Variants in GGA2 observed in about 807,000 individuals in gnomAD.
GGA2 encodes the protein golgi associated, gamma adaptin ear containing, ARF binding protein 2.
A neutral mutation model predicts 79.5 loss-of-function variants in GGA2; 48 were observed. The ratio of observed to expected loss-of-function variants is 0.60; its 90% CI spans 0.48 to 0.77. The LOEUF (loss-of-function observed/expected upper bound fraction) is 0.77, where lower values mean the gene tolerates loss of function less well. Among genes scored for constraint, GGA2 ranks in the 30% least tolerant of loss-of-function variants. The pLI is 0.00. For missense variants in GGA2, 770 were observed against 774.0 expected (o/e 0.99, Z 0.06); for synonymous variants, 317 against 302.0 (o/e 1.05, Z -0.51).
chr16:23,478,461 G>A lies in GGA2; in HGVS notation c.1199C>T (p.Ser400Phe), dbSNP rs778695935. The change falls in exon 13 of 17, where the codon TCC (serine) becomes TTC (phenylalanine). Residue 400 changes from serine (S) to phenylalanine (F), a missense_variant. Ser to Phe is a radical substitution (Grantham distance 155). Coordinates refer to ENST00000309859, the MANE Select transcript of GGA2 (RefSeq NM_015044.4). ...QNCCEEKRNPSSSTLPGGGVQ... is the reference protein window; with the variant it reads ...QNCCEEKRNPFSSTLPGGGVQ... ...ACCACCGCCTGGCAGCGTGCTGGAGGAGGGATTCCTCTTTTCCTCACAGCA... is the reference window on the plus strand; with the variant it reads ...ACCACCGCCTGGCAGCGTGCTGGAGAAGGGATTCCTCTTTTCCTCACAGCA... The A allele has an allele frequency of 3.1e-6, 5 of 1,611,096 alleles. No individual in the cohort carries two copies. Among genetic ancestry groups the A allele is most frequent in the Non-Finnish European group, 4.2e-6 (5 of 1,177,996 alleles).
chr16:23,468,143 C>G (rs1207391268), intron 16 of GGA2, among the ~76,000 whole-genome samples: 1 of 152,112 alleles, frequency 6.6e-6, no homozygotes, highest in Non-Finnish European at 1.5e-5. Context: ...TTCCTCCTTC[C>G]CTCCCTCTCT....
At chr16:23,506,503 A>T (rs1337072493) in intron 1 of GGA2, among the ~76,000 whole-genome samples, 1 of 152,194 alleles carries the variant, frequency 6.6e-6, no homozygotes, top group Non-Finnish European at 1.5e-5. Context: ...CCCTGGGGAA[A>T]CATGGCAGTA....
At chr16:23,473,031 CAA>C (rs71379682) in intron 14 of GGA2, among the ~76,000 whole-genome samples, 3 of 114,468 alleles carry the variant, frequency 2.6e-5, no homozygotes. Context: ...ACTCTGTCTC[CAA>C]AAAAAAAAAA....
intron 13 of GGA2, among the ~76,000 whole-genome samples, chr16:23,475,766 T>A (rs1379196536): frequency 2.7e-5 from 4 of 149,582 alleles, no homozygotes; most frequent in South Asian, 2.1e-4. Context: ...TAAAAAAAAA[T>A]AAAAAATAAA....
Position 23,465,626 on chromosome 16 carries a change from CAA to C in GGA2, c.*1962_*1963del. ...TGATGGGTACCTCTTCAAGACTACG[CAA>C]CAGTAACAGAGCCTATAAAAGCTAC... On this transcript the variant is annotated 3_prime_UTR_variant, in exon 17 of 17. Transcript: ENST00000309859. The C allele has an allele frequency of 1.8e-6, 1 of 564,538 alleles. No homozygotes were observed. The highest frequency in any genetic ancestry group is 3.2e-6 in the Non-Finnish European group (1 of 316,092). The allele number at this position is 564,538 out of a possible 1,614,324, so 35.0% of individuals were successfully genotyped here.
At chr16:23,513,189 C>T (rs1965083868), upstream of GGA2, among the ~76,000 whole-genome samples, 3 of 152,128 alleles carry the variant, frequency 2.0e-5, no homozygotes, top group Admixed American at 1.3e-4. Flanking sequence ...TTATTTTAAG[C>T]ACCTGCAATC....
At chr16:23,516,971 GAGA>G (rs138225674) in intron 2 of GGA2, among the ~76,000 whole-genome samples, 12,449 of 152,222 alleles carry the variant, frequency 0.082, 891 homozygotes, top group African/African-American at 0.19. Flanking sequence ...GGTGGAGAGA[GAGA>G]AGGACCCTGG....
At chr16:23,502,215 C>T (rs1964928634) in intron 1 of GGA2, among the ~76,000 whole-genome samples, 1 of 152,186 alleles carries the variant, frequency 6.6e-6, no homozygotes, top group Non-Finnish European at 1.5e-5. Context: ...TTACTCCAAG[C>T]ACCAGGGTGG....
At chr16:23,505,034 G>GGGA (rs1964958983) in intron 1 of GGA2, among the ~76,000 whole-genome samples, 1 of 152,186 alleles carries the variant, frequency 6.6e-6, no homozygotes, top group African/African-American at 2.4e-5. Flanking sequence ...TGCTAGCAAG[G>GGGA]GGAGCCCCAA....
chr16:23,487,445 T>G (rs571999310), intron 6 of GGA2, among the ~76,000 whole-genome samples: 2 of 152,150 alleles, frequency 1.3e-5, no homozygotes, highest in East Asian at 1.9e-4. Context: ...CACAGGACAG[T>G]CCCCAACAAC....
chr16:23,500,689 G>C (rs1964911548), intron 1 of GGA2, among the ~76,000 whole-genome samples: 1 of 152,262 alleles, frequency 6.6e-6, no homozygotes, highest in African/African-American at 2.4e-5. Context: ...GTGGCGGGTG[G>C]AACCGCCCTG....
chr16:23,510,906 CGTGTGTGTGTGTGT>C (rs150030103), upstream of GGA2, among the ~76,000 whole-genome samples: 9 of 49,022 alleles, frequency 1.8e-4, no homozygotes, highest in East Asian at 5.3e-4. Context: ...TGGGTTTCAC[CGTGTGTGTGTGTGT>C]GTGTGTGTGT....
chr16:23,491,240 G>A (rs1321176445), intron 5 of GGA2, among the ~76,000 whole-genome samples: 3 of 145,138 alleles, frequency 2.1e-5, no homozygotes, highest in South Asian at 2.2e-4. Flanking sequence ...CCAGAAGGTC[G>A]AGGCTACAGT....
At chr16:23,489,588 C>G (rs1964757291) in intron 5 of GGA2, among the ~76,000 whole-genome samples, 1 of 152,132 alleles carries the variant, frequency 6.6e-6, no homozygotes, top group Non-Finnish European at 1.5e-5. Flanking sequence ...GGGCAACAAC[C>G]AAGTAACCTG....
intron 1 of GGA2, among the ~76,000 whole-genome samples, chr16:23,497,764 C>T (rs776956829): frequency 3.9e-5 from 6 of 152,164 alleles, no homozygotes; most frequent in Non-Finnish European, 5.9e-5. Context: ...GCCCCTTCTC[C>T]GATAGGGATC....
chr16:23,473,330 C>CTT (rs34972165), intron 14 of GGA2, among the ~76,000 whole-genome samples: 9,072 of 70,604 alleles, frequency 0.13, 2,925 homozygotes, highest in African/African-American at 0.34. Context: ...CTTTTCTAGT[C>CTT]TTTTTTTTTT....
intron 5 of GGA2, 42 bp from the exon 6 acceptor site, chr16:23,488,751 C>A (rs886582562): frequency 9.3e-7 from 1 of 1,075,084 alleles, no homozygotes. Flanking sequence ...GATATGGTAC[C>A]CAGAAACTTC....
chr16:23,463,991 A>G lies in GGA2; in HGVS notation c.*3599T>C, dbSNP rs541208449. 3 of 152,320 alleles carry G rather than the reference A, an allele frequency of 2.0e-5. No homozygotes were observed. The highest frequency in any genetic ancestry group is 7.2e-5 in the African/African-American group (3 of 41,564). The allele number at this position is 152,320 out of a possible 1,614,324, so 9.4% of individuals were successfully genotyped here. ...CAAGAAAACAAACAAACCCACTTTT[A>G]TACTCTTGACGCTGGGTAAGCATCT... On this transcript the variant is annotated 3_prime_UTR_variant, in exon 17 of 17. Transcript: ENST00000309859.
intron 5 of GGA2, among the ~76,000 whole-genome samples, chr16:23,491,252 A>C (rs1482778533): frequency 7.1e-6 from 1 of 141,242 alleles, no homozygotes; most frequent in East Asian, 2.3e-4. Context: ...GGCTACAGTG[A>C]GCCATGACTG....
Sources: allele counts gnomAD v4.1 joint callset (sites outside exome capture counted in the v4.1 genomes callset), GRCh38; gene constraint gnomAD v4.1.1; transcripts MANE v1.5; gene names NCBI Gene and HGNC (gene_info 2026-07-23, HGNC 2026-07-21).